The following GIGYF2 variants were observed in gnomAD, a reference collection of about 807,000 sequenced individuals.
GIGYF2 encodes the protein GRB10-interacting GYF protein 2.
In GIGYF2, 25 loss-of-function variants were observed where a neutral mutation model predicts 208.1. That is an observed-to-expected ratio of 0.12 (90% CI 0.09 to 0.17). GIGYF2 has a LOEUF of 0.17. GIGYF2 is among the 10% of genes least tolerant of loss of function. The pLI is 1.00. For synonymous variants in GIGYF2, 534 were observed against 543.8 expected (o/e 0.98, Z 0.25); for missense variants, 1,302 against 1,579.4 (o/e 0.82, Z 2.98).
In GIGYF2 at chr2:232,791,010, A is replaced by G. The variant is rs745655980; in HGVS notation, c.933A>G (p.Lys311=). ...TTGGTTTTATTCTCTTTCTACAGAA[A>G]GTACAGAAAGAGCCTATTCCAGAAG... ...DSSGAFLSLK[K]VQKEPIPEEQ... The change falls in exon 11 of 29, where the codon AAA becomes AAG. Residue 311 remains lysine, a splice_region_variant and synonymous_variant. Transcript: ENST00000373563. 35 of 1,613,870 alleles carry G rather than the reference A, an allele frequency of 2.2e-5. No individual in the cohort carries two copies. The highest frequency in any genetic ancestry group is 2.9e-5 in the Non-Finnish European group (34 of 1,179,880).
At chr2:232,818,971 C>CT (rs139232721) in intron 20 of GIGYF2, among the ~76,000 whole-genome samples, 7 of 151,038 alleles carry the variant, frequency 4.6e-5, no homozygotes, top group South Asian at 2.1e-4. Flanking sequence ...ATTTTTTGGT[C>CT]TTTTTTTTTC....
At chr2:232,727,031 G>A (rs184980680) in intron 2 of GIGYF2, among the ~76,000 whole-genome samples, 3 of 152,268 alleles carry the variant, frequency 2.0e-5, no homozygotes, top group Admixed American at 2.0e-4. Context: ...GTGGCACGAT[G>A]TCAGCTCACT....
rs1690655872 is a variant in GIGYF2 at position 232,858,493 on chromosome 2, T to C, written c.*1633T>C. The C allele has an allele frequency of 2.2e-6, 1 of 456,496 alleles. No homozygotes were observed. The highest frequency in any genetic ancestry group is 4.4e-6 in the Non-Finnish European group (1 of 226,798). 28.3% of individuals were successfully genotyped at this position (456,496 alleles called of 1,614,324 possible). A position where few individuals can be genotyped will look rare whatever the true frequency, so the allele number is the denominator to read the frequency against. Reference sequence around the variant, plus strand: ...AAAAGTTGGGGCTCCTACTCTCCTTTGCTTTGTAAATTCAAAAGTTGGGGG... The same window carrying C: ...AAAAGTTGGGGCTCCTACTCTCCTTCGCTTTGTAAATTCAAAAGTTGGGGG... On this transcript the variant is annotated 3_prime_UTR_variant, in exon 29 of 29. Transcript: ENST00000373563.
chr2:232,844,081 TCAGCAG>T lies in GIGYF2; in HGVS notation c.2934_2939del (p.Gln983_Gln984del). ...AGCAGAGGGAGTTGATGAAAGCTCT[TCAGCAG>T]CAGCAGCAACAGCAACAGCAGAAAC... On this transcript the variant is annotated inframe_deletion, in exon 24 of 29. Transcript: ENST00000373563. 2 of 1,609,484 alleles carry T rather than the reference TCAGCAG, an allele frequency of 1.2e-6. No individual in the cohort carries two copies. Among genetic ancestry groups the T allele is most frequent in the African/African-American group, 1.3e-5 (1 of 74,920 alleles).
intron 15 of GIGYF2, 45 bp from the exon 16 acceptor site, chr2:232,809,675 G>T: frequency 9.0e-7 from 1 of 1,109,730 alleles, no homozygotes; most frequent in Non-Finnish European, 1.4e-6. Flanking sequence ...TAGGTTCTTT[G>T]CAGTTTATTT....
intron 20 of GIGYF2, among the ~76,000 whole-genome samples, chr2:232,818,402 A>AT (rs1700977858): frequency 6.6e-6 from 1 of 152,216 alleles, no homozygotes; most frequent in African/African-American, 2.4e-5. Context: ...ATTTGAAGAA[A>AT]TTTAGACAGA....
intron 14 of GIGYF2, among the ~76,000 whole-genome samples, chr2:232,802,713 C>G (rs903864956): frequency 6.6e-6 from 1 of 151,974 alleles, no homozygotes; most frequent in African/African-American, 2.4e-5. Flanking sequence ...TCTTTAGAGC[C>G]TTTGTCTGAC....
intron 2 of GIGYF2, among the ~76,000 whole-genome samples, chr2:232,706,779 CAAAAAATAAATAAATAAA>C (rs1397634579): frequency 2.7e-5 from 4 of 149,924 alleles, no homozygotes; most frequent in Non-Finnish European, 5.9e-5. Context: ...GACTCTGTCT[CAAAAAATAAATAAATAAA>C]TAAAAATAAA....
chr2:232,804,711 T>G (rs1378546745), intron 14 of GIGYF2, among the ~76,000 whole-genome samples: 1 of 152,188 alleles, frequency 6.6e-6, no homozygotes, highest in Non-Finnish European at 1.5e-5. Flanking sequence ...CAGGCTGGTC[T>G]CGAACTCCTG....
chr2:232,836,318 A>C lies in GIGYF2; in HGVS notation c.2766+3225A>C, dbSNP rs1574940044. Among the ~76,000 whole-genome samples the C allele has an allele frequency of 2.2e-4, 8 of 37,040 alleles. 2 individuals carry two copies. Among genetic ancestry groups the C allele is most frequent in the African/African-American group, 9.1e-4 (8 of 8,752 alleles). The allele number at this position is 37,040 out of a possible 152,430, so 24.3% of individuals were successfully genotyped here. Reference sequence around the variant, plus strand: ...TATATATATATATATATATATATATATATATATATATACATATATATACTT... The same window carrying C: ...TATATATATATATATATATATATATCTATATATATATACATATATATACTT... On this transcript the variant is annotated intron_variant, in intron 22 of 28. Coordinates refer to ENST00000373563, the MANE Select transcript of GIGYF2 (RefSeq NM_001103146.3).
intron 22 of GIGYF2, among the ~76,000 whole-genome samples, chr2:232,839,387 T>A (rs1462313991): frequency 6.6e-6 from 1 of 152,226 alleles, no homozygotes; most frequent in Non-Finnish European, 1.5e-5. Flanking sequence ...CCAGCATCTC[T>A]CATGAGATGA....
At chr2:232,708,650 C>T (rs1346764865) in intron 2 of GIGYF2, among the ~76,000 whole-genome samples, 1 of 132,312 alleles carries the variant, frequency 7.6e-6, no homozygotes, top group East Asian at 2.2e-4. Context: ...GCCTGGGCAA[C>T]ATGGCAAAAC....
Position 232,756,225 on chromosome 2 carries a change from A to G in GIGYF2, c.270A>G (p.Arg90=). 7.6e-7 allele frequency: 1 copy of G among 1,316,432 alleles called. No individual in the cohort carries two copies. The highest frequency in any genetic ancestry group is 1.0e-6 in the Non-Finnish European group (1 of 965,308). The allele number at this position is 1,316,432 out of a possible 1,614,324, so 81.5% of individuals were successfully genotyped here. The change falls in exon 6 of 29, where the codon AGA becomes AGG. Residue 90 remains arginine, a splice_region_variant and synonymous_variant. Coordinates refer to ENST00000373563, the MANE Select transcript of GIGYF2 (RefSeq NM_001103146.3). Reference sequence around the variant, plus strand: ...TTTTTTTTTTTTTTTTTTGGCAGAGAAACTTTTCCATGTCTGTAAATAGTG... The same window carrying G: ...TTTTTTTTTTTTTTTTTTGGCAGAGGAACTTTTCCATGTCTGTAAATAGTG... The part of the protein sequence containing the change: ...ALVPFTEEEQ[R]NFSMSVNSAA...
intron 18 of GIGYF2, 123 bp downstream of exon 18, chr2:232,812,614 A>C (rs2106386492): frequency 1.5e-6 from 1 of 648,440 alleles, no homozygotes; most frequent in South Asian, 1.7e-5. Context: ...ATATTAACAA[A>C]AGGTCCATTT....
At chr2:232,821,839 G>C (rs1442346262) in intron 21 of GIGYF2, among the ~76,000 whole-genome samples, 3 of 151,158 alleles carry the variant, frequency 2.0e-5, no homozygotes, top group Non-Finnish European at 1.5e-5. Context: ...TGTTTTTTCT[G>C]TATGATATGA....
In GIGYF2 at chr2:232,844,583, C is replaced by G; in HGVS notation, c.3305+9C>G. Reference sequence around the variant, plus strand: ...AACAACGCCAGTCTCAGGTAGGGCTCAAAATGACCACACCTATGCACCTTG... The same window carrying G: ...AACAACGCCAGTCTCAGGTAGGGCTGAAAATGACCACACCTATGCACCTTG... On this transcript the variant is annotated intron_variant, in intron 25 of 28. Transcript: ENST00000373563. 1 of 1,584,674 alleles carries G rather than the reference C, an allele frequency of 6.3e-7. No individual in the cohort carries two copies.
intron 19 of GIGYF2, among the ~76,000 whole-genome samples, chr2:232,816,403 A>G (rs541798251): frequency 2.0e-5 from 3 of 152,356 alleles, no homozygotes; most frequent in African/African-American, 7.2e-5. Flanking sequence ...GGTTCATACA[A>G]CATTGCTGTT....
In GIGYF2 at chr2:232,840,064, T is replaced by A; in HGVS notation, c.2889+93T>A. 2.3e-6 allele frequency: 3 copies of A among 1,294,850 alleles called. No individual in the cohort carries two copies. In the South Asian group the frequency reaches 3.7e-5, roughly 16 times the overall value. 80.2% of individuals were successfully genotyped at this position (1,294,850 alleles called of 1,614,324 possible). ...TAGTGGTTACTGAGGACAATTACTG[T>A]CAGAATTGTTGTGTGTCTGAATTGG... On this transcript the variant is annotated intron_variant, in intron 23 of 28. Coordinates refer to ENST00000373563, the MANE Select transcript of GIGYF2 (RefSeq NM_001103146.3).
At chr2:232,739,822 G>A (rs747348486) in intron 3 of GIGYF2, among the ~76,000 whole-genome samples, 15 of 151,716 alleles carry the variant, frequency 9.9e-5, no homozygotes, top group Non-Finnish European at 2.2e-4. Flanking sequence ...TATTTAGGCC[G>A]GGCGCGGTGG....
Sources: gnomAD v4.1 joint callset for allele counts (sites outside exome capture counted in the v4.1 genomes callset) on GRCh38, gnomAD v4.1.1 for gene constraint, MANE v1.5 for transcripts, NCBI Gene and HGNC (gene_info 2026-07-23, HGNC 2026-07-21) for gene names.